RBFOX1: variants seen among roughly 807,000 people sequenced by gnomAD.
RBFOX1 encodes the protein RNA binding protein fox-1 homolog 1.
Under a neutral mutation model 57.7 loss-of-function variants are expected in RBFOX1, and 8 were observed. That is an observed-to-expected ratio of 0.14 (90% CI 0.08 to 0.25). The LOEUF is 0.25. RBFOX1 is among the 10% of genes least tolerant of loss of function. The pLI is 1.00. For missense variants in RBFOX1, 611 were observed against 548.5 expected, an observed-to-expected ratio of 1.11 and a Z score of -1.14; for synonymous variants, 326 against 222.4, an observed-to-expected ratio of 1.47 and a Z score of -4.15.
chr16:5,936,530 C>G (rs2059172274), intron 4 of RBFOX1, among the ~76,000 whole-genome samples: 1 of 152,128 alleles, frequency 6.6e-6, no homozygotes, highest in African/African-American at 2.4e-5. Context: ...TTCCTCTGCC[C>G]ATGTCAAGGA....
At chr16:7,516,388 G>A (rs185296315) in intron 4 of RBFOX1, among the ~76,000 whole-genome samples, 10 of 152,154 alleles carry the variant, frequency 6.6e-5, no homozygotes, top group South Asian at 6.3e-4. Flanking sequence ...ATCTCGTAGC[G>A]ACTGGGAGCT....
At chr16:6,247,651 C>G (rs552283109) in intron 1 of RBFOX1, among the ~76,000 whole-genome samples, 10 of 152,222 alleles carry the variant, frequency 6.6e-5, no homozygotes, top group African/African-American at 1.9e-4. Context: ...ATCAGAGATA[C>G]AAACACTAGA....
At chr16:5,433,087 G>C (rs912053050) in intron 1 of RBFOX1, among the ~76,000 whole-genome samples, 5 of 152,170 alleles carry the variant, frequency 3.3e-5, no homozygotes, top group African/African-American at 1.2e-4. Flanking sequence ...AGACGTTAGA[G>C]AGAAGACAAC....
At chr16:6,078,335 G>T (rs2095941839) in intron 1 of RBFOX1, among the ~76,000 whole-genome samples, 1 of 152,144 alleles carries the variant, frequency 6.6e-6, no homozygotes, top group African/African-American at 2.4e-5. Context: ...GGTGCATGTG[G>T]CCCGGGACGG....
chr16:7,527,056 T>C (rs557042729), intron 5 of RBFOX1, among the ~76,000 whole-genome samples: 2 of 152,310 alleles, frequency 1.3e-5, no homozygotes, highest in South Asian at 4.2e-4. Context: ...TCGAGTGTGC[T>C]CTTGTTTGAG....
At chr16:6,478,429 A>ATATATATATTT (rs1159954387) in intron 2 of RBFOX1, among the ~76,000 whole-genome samples, 3 of 24,616 alleles carry the variant, frequency 1.2e-4, no homozygotes, top group Non-Finnish European at 2.3e-4. Flanking sequence ...ATATATATAT[A>ATATATATATTT]TTTTTTTTTT....
At chr16:7,404,942 G>A (rs746295049) in intron 4 of RBFOX1, among the ~76,000 whole-genome samples, 21 of 152,100 alleles carry the variant, frequency 1.4e-4, no homozygotes, top group Admixed American at 6.5e-4. Context: ...GTAGGTCCTC[G>A]TTTCTCATGT....
chr16:6,714,623 G>T (rs185199412), intron 3 of RBFOX1, among the ~76,000 whole-genome samples: 230 of 152,190 alleles, frequency 1.5e-3, no homozygotes, highest in African/African-American at 5.3e-3. Context: ...AAGAAATGCA[G>T]GTATTGAAGA....
chr16:6,358,619 A>C (rs2087820584), intron 2 of RBFOX1, among the ~76,000 whole-genome samples: 1 of 152,196 alleles, frequency 6.6e-6, no homozygotes. Flanking sequence ...ATTATGTCTA[A>C]TCCTCCCAAC....
At chr16:5,897,016 CTTTTTTTTTTTTTTTTTTTTT>C (rs575235024) in intron 4 of RBFOX1, among the ~76,000 whole-genome samples, 1 of 56,460 alleles carries the variant, frequency 1.8e-5, no homozygotes, top group African/African-American at 7.7e-5. Flanking sequence ...TATCCATCCG[CTTTTTTTTTTTTTTTTTTTTT>C]TTTTTTTTTG....
intron 3 of RBFOX1, among the ~76,000 whole-genome samples, chr16:6,669,677 A>T (rs908124542): frequency 6.6e-6 from 1 of 151,982 alleles, no homozygotes. Flanking sequence ...TGGTGAGAAC[A>T]CTTAAGATCT....
At chr16:5,300,971 G>C (rs1268729951) in intron 1 of RBFOX1, among the ~76,000 whole-genome samples, 1 of 152,108 alleles carries the variant, frequency 6.6e-6, no homozygotes, top group African/African-American at 2.4e-5. Context: ...TTCTTTCTAG[G>C]TTTATTTTTG....
At chr16:5,874,304 T>G (rs539448947) in intron 4 of RBFOX1, among the ~76,000 whole-genome samples, 1 of 151,854 alleles carries the variant, frequency 6.6e-6, no homozygotes, top group South Asian at 2.1e-4. Context: ...AAGGCAGGAG[T>G]TGGGAAGGAA....
intron 4 of RBFOX1, among the ~76,000 whole-genome samples, chr16:7,458,536 G>GA (rs1423739328): frequency 6.6e-6 from 1 of 151,988 alleles, no homozygotes; most frequent in Admixed American, 6.6e-5. Context: ...ATTGTTAAAG[G>GA]AAAAAAACAT....
intron 1 of RBFOX1, among the ~76,000 whole-genome samples, chr16:6,273,585 ATCCGCCCGCCTCG>A (rs892748658): frequency 6.6e-6 from 1 of 151,942 alleles, no homozygotes; most frequent in Admixed American, 6.6e-5. Flanking sequence ...ACCTCAGGTG[ATCCGCCCGCCTCG>A]GCCCCCCAAA....
At chr16:6,431,514 G>A (rs1442776650) in intron 2 of RBFOX1, among the ~76,000 whole-genome samples, 1 of 152,106 alleles carries the variant, frequency 6.6e-6, no homozygotes, top group East Asian at 1.9e-4. Flanking sequence ...CTGCTCAGTT[G>A]GCAGGTGTCA....
chr16:6,799,403 C>G (rs895836545), intron 3 of RBFOX1, among the ~76,000 whole-genome samples: 2 of 152,168 alleles, frequency 1.3e-5, no homozygotes, highest in African/African-American at 4.8e-5. Context: ...TTGCATTAAC[C>G]TAATAAGGCG....
At chr16:7,620,891 A>C (rs1275813711) in intron 10 of RBFOX1, among the ~76,000 whole-genome samples, 1 of 152,140 alleles carries the variant, frequency 6.6e-6, no homozygotes, top group Admixed American at 6.5e-5. Flanking sequence ...TGTGGAGTAC[A>C]TCTTGTATAG....
chr16:5,556,531 T>G (rs1234837905), intron 2 of RBFOX1, among the ~76,000 whole-genome samples: 1 of 152,176 alleles, frequency 6.6e-6, no homozygotes, highest in African/African-American at 2.4e-5. Context: ...TGTTGGTAAG[T>G]AGGAAGTGAC....
Sources: allele counts gnomAD v4.1 joint callset (sites outside exome capture counted in the v4.1 genomes callset), GRCh38; gene constraint gnomAD v4.1.1; transcripts MANE v1.5; gene names NCBI Gene and HGNC (gene_info 2026-07-23, HGNC 2026-07-21).